Variants in CNTNAP5 observed in about 807,000 individuals in gnomAD.
The protein encoded by CNTNAP5 is contactin associated protein family member 5.
Under a neutral mutation model 150.2 loss-of-function variants are expected in CNTNAP5, and 72 were observed. That is an observed-to-expected ratio of 0.48 (90% CI 0.40 to 0.58). The LOEUF (loss-of-function observed/expected upper bound fraction) is 0.58, where lower values mean the gene tolerates loss of function less well. CNTNAP5 is among the 20% of genes least tolerant of loss of function. The pLI, the probability that CNTNAP5 is intolerant of heterozygous loss-of-function variation, is 0.00. For missense variants in CNTNAP5, 1,636 were observed against 1,626.2 expected, an observed-to-expected ratio of 1.01 and a Z score of -0.10; for synonymous variants, 672 against 619.8, an observed-to-expected ratio of 1.08 and a Z score of -1.25.
intron 1 of CNTNAP5, among the ~76,000 whole-genome samples, chr2:124,113,683 C>T (rs959828191): frequency 6.6e-6 from 1 of 151,838 alleles, no homozygotes; most frequent in African/African-American, 2.4e-5. Flanking sequence ...TAATCTAATT[C>T]AGCAATGTTT....
intron 3 of CNTNAP5, among the ~76,000 whole-genome samples, chr2:124,243,352 C>T (rs1247999901): frequency 2.6e-5 from 4 of 152,110 alleles, no homozygotes; most frequent in Non-Finnish European, 5.9e-5. Flanking sequence ...CATTCACATT[C>T]CCATGTTGGC....
At chr2:124,128,852 A>T (rs1683779404) in intron 1 of CNTNAP5, among the ~76,000 whole-genome samples, 1 of 152,122 alleles carries the variant, frequency 6.6e-6, no homozygotes, top group South Asian at 2.1e-4. Flanking sequence ...ATAGGTGGGA[A>T]TTGAACAATG....
chr2:124,896,288 CAT>C (rs1165531530), intron 21 of CNTNAP5, among the ~76,000 whole-genome samples: 2 of 151,592 alleles, frequency 1.3e-5, no homozygotes, highest in African/African-American at 2.4e-5. Flanking sequence ...CACACACACA[CAT>C]ACATGAATGT....
At chr2:124,899,312 C>G (rs529844141) in intron 21 of CNTNAP5, among the ~76,000 whole-genome samples, 6 of 151,342 alleles carry the variant, frequency 4.0e-5, no homozygotes, top group Non-Finnish European at 8.8e-5. Flanking sequence ...AACATGGAAA[C>G]AGATATCATA....
chr2:124,038,466 C>A (rs545366315), intron 1 of CNTNAP5, among the ~76,000 whole-genome samples: 1 of 152,250 alleles, frequency 6.6e-6, no homozygotes, highest in Admixed American at 6.5e-5. Context: ...CTCTCTTCTG[C>A]ATCAACAACG....
intron 10 of CNTNAP5, among the ~76,000 whole-genome samples, chr2:124,544,159 A>G (rs1158904027): frequency 6.6e-6 from 1 of 152,178 alleles, no homozygotes; most frequent in Non-Finnish European, 1.5e-5. Context: ...TAAACTAACC[A>G]TCTAACAGGT....
rs574928055 is a variant in CNTNAP5, at chr2:124,205,361, T to C, written c.83-16344T>C. Among the ~76,000 whole-genome samples, 6 of 152,232 alleles carry C rather than the reference T, an allele frequency of 3.9e-5. No homozygotes were observed. The South Asian group carries it at 1.0e-3, about 26-fold the overall frequency. On this transcript the variant is annotated intron_variant, in intron 1 of 23. Coordinates refer to ENST00000682447, the MANE Select transcript of CNTNAP5 (RefSeq NM_001367498.1). ...TTCCTCTTCTATCATAATTGTCAGT[T>C]TCCTGAGGCCTCCCCAGCAATGTGG... is the stretch of plus-strand genomic sequence containing the variant.
intron 1 of CNTNAP5, among the ~76,000 whole-genome samples, chr2:124,130,931 G>A (rs1447371630): frequency 6.6e-6 from 1 of 152,044 alleles, no homozygotes; most frequent in Non-Finnish European, 1.5e-5. Context: ...AATTAAGAAA[G>A]AAAGAAGGTG....
intron 3 of CNTNAP5, among the ~76,000 whole-genome samples, chr2:124,339,972 T>C (rs575498297): frequency 2.0e-5 from 3 of 152,108 alleles, no homozygotes; most frequent in East Asian, 1.9e-4. Flanking sequence ...GAATTTGCAA[T>C]AGAGATGTTA....
intron 4 of CNTNAP5, among the ~76,000 whole-genome samples, chr2:124,418,310 A>C (rs1463381233): frequency 6.6e-6 from 1 of 152,182 alleles, no homozygotes; most frequent in Non-Finnish European, 1.5e-5. Context: ...ATGCATAAAC[A>C]CATTTGATCA....
intron 12 of CNTNAP5, among the ~76,000 whole-genome samples, chr2:124,644,129 C>T (rs1402464482): frequency 6.6e-6 from 1 of 152,212 alleles, no homozygotes; most frequent in Non-Finnish European, 1.5e-5. Context: ...AAAAGAGAAT[C>T]TCCACCTCCT....
chr2:124,416,279 G>T (rs1199445569), intron 3 of CNTNAP5, among the ~76,000 whole-genome samples: 1 of 152,008 alleles, frequency 6.6e-6, no homozygotes, highest in Non-Finnish European at 1.5e-5. Flanking sequence ...TCATGTTTTG[G>T]GGTATCATTT....
intron 1 of CNTNAP5, among the ~76,000 whole-genome samples, chr2:124,201,588 C>T (rs995008212): frequency 2.0e-5 from 3 of 152,214 alleles, no homozygotes; most frequent in African/African-American, 7.2e-5. Context: ...TGGGGCTCAC[C>T]ATTCTGGTGT....
intron 13 of CNTNAP5, among the ~76,000 whole-genome samples, chr2:124,660,031 GAAGGAAGGAAGA>G (rs1383299924): frequency 3.5e-5 from 3 of 86,896 alleles, no homozygotes; most frequent in African/African-American, 9.2e-5. Context: ...AAGGAGGAAG[GAAGGAAGGAAGA>G]AAGGAAGGAA....
At position 124,547,953 on chromosome 2, in the gene CNTNAP5, A is replaced by G. The variant is rs114441469; in HGVS notation, c.1650-15264A>G. 3.1e-3 allele frequency among the ~76,000 whole-genome samples: 467 copies of G among 152,278 alleles called. 3 individuals carry two copies. Among genetic ancestry groups the G allele is most frequent in the African/African-American group, 0.011 (443 of 41,562 alleles). On this transcript the variant is annotated intron_variant, in intron 10 of 23. Coordinates refer to ENST00000682447, the MANE Select transcript of CNTNAP5 (RefSeq NM_001367498.1). Reference sequence around the variant, plus strand: ...TGCTGTTTAGAGACATTCAGCTCTTACTTGCATCTTCGAGCCCATGTCTCT... The same window carrying G: ...TGCTGTTTAGAGACATTCAGCTCTTGCTTGCATCTTCGAGCCCATGTCTCT...
chr2:124,495,223 G>A (rs1694117075), intron 7 of CNTNAP5, among the ~76,000 whole-genome samples: 1 of 152,050 alleles, frequency 6.6e-6, no homozygotes, highest in Non-Finnish European at 1.5e-5. Context: ...TTCAGACCCA[G>A]TTTTTTATTA....
At chr2:124,539,979 T>C (rs906966011) in intron 10 of CNTNAP5, among the ~76,000 whole-genome samples, 3 of 152,160 alleles carry the variant, frequency 2.0e-5, no homozygotes, top group African/African-American at 4.8e-5. Flanking sequence ...GGGAGTACTG[T>C]AGACATAGCA....
rs552319726 is a variant in CNTNAP5, at chr2:124,534,219, A to G, written c.1649+6763A>G. Among the ~76,000 whole-genome samples the G allele has an allele frequency of 1.3e-3, 200 of 152,204 alleles. 1 individual carries two copies. Among genetic ancestry groups the G allele is most frequent in the African/African-American group, 4.6e-3 (190 of 41,542 alleles). ...ATTACTTAATGGGTTTGTTTTGGAT[A>G]GGGGTCCTGATCCAAACCTCCAGAG... On this transcript the variant is annotated intron_variant, in intron 10 of 23. Transcript: ENST00000682447.
Position 124,025,507 on chromosome 2 carries a change from G to A in CNTNAP5, c.-144G>A, listed in dbSNP as rs908337668. 4.5e-6 allele frequency: 3 copies of A among 667,608 alleles called. No homozygotes were observed. Among genetic ancestry groups the A allele is most frequent in the Non-Finnish European group, 5.4e-6 (2 of 373,604 alleles). 41.4% of individuals were successfully genotyped at this position (667,608 alleles called of 1,614,324 possible). On this transcript the variant is annotated 5_prime_UTR_variant, in exon 1 of 24. Transcript: ENST00000682447. ...CGGTTTCGGTGGAGCGTCTGGGCAC[G>A]GGATGGAGTGAAAGAGCGAGTGCCT...
Sources: allele counts gnomAD v4.1 joint callset (sites outside exome capture counted in the v4.1 genomes callset), GRCh38; gene constraint gnomAD v4.1.1; transcripts MANE v1.5; gene names NCBI Gene and HGNC (gene_info 2026-07-23, HGNC 2026-07-21).